The following THSD4 variants were observed in gnomAD, a reference collection of about 807,000 sequenced individuals.
The protein encoded by THSD4 is thrombospondin type 1 domain containing 4.
Under a neutral mutation model 119.0 loss-of-function variants are expected in THSD4, and 69 were observed. That is an observed-to-expected ratio of 0.58 (90% CI 0.48 to 0.71). The LOEUF is 0.71. Ranked by LOEUF, THSD4 falls within the 30% of genes least tolerant of loss-of-function variation. The pLI, the probability that THSD4 is intolerant of heterozygous loss-of-function variation, is 0.00. For missense variants in THSD4, 1,393 were observed against 1,391.1 expected, an observed-to-expected ratio of 1.00 and a Z score of -0.02; for synonymous variants, 524 against 540.4, an observed-to-expected ratio of 0.97 and a Z score of 0.42.
At chr15:71,727,622 A>AC (rs2052885551) in intron 8 of THSD4, among the ~76,000 whole-genome samples, 22 of 126,124 alleles carry the variant, frequency 1.7e-4, no homozygotes, top group African/African-American at 6.1e-4. Flanking sequence ...ACACACACAC[A>AC]AGCCAGGCAT....
chr15:71,676,427 A>G (rs1283580173), intron 8 of THSD4, among the ~76,000 whole-genome samples: 2 of 152,100 alleles, frequency 1.3e-5, no homozygotes, highest in Non-Finnish European at 2.9e-5. Flanking sequence ...GACTACAGGC[A>G]TGCACCACCA....
intron 8 of THSD4, among the ~76,000 whole-genome samples, chr15:71,715,225 G>A (rs1454748229): frequency 2.0e-5 from 3 of 152,160 alleles, no homozygotes; most frequent in Non-Finnish European, 4.4e-5. Context: ...TATTAAATTA[G>A]CATCTATGTA....
At chr15:71,109,953 G>A (rs1212732521) in intron 1 of THSD4, among the ~76,000 whole-genome samples, 2 of 152,206 alleles carry the variant, frequency 1.3e-5, no homozygotes, top group Admixed American at 6.5e-5. Flanking sequence ...CATTGGATAT[G>A]CCCTATCTCT....
intron 7 of THSD4, among the ~76,000 whole-genome samples, chr15:71,436,477 CAA>C (rs1464890260): frequency 6.6e-6 from 1 of 152,152 alleles, no homozygotes; most frequent in African/African-American, 2.4e-5. Context: ...CCAGATTTCA[CAA>C]AGAGTGACCA....
intron 7 of THSD4, among the ~76,000 whole-genome samples, chr15:71,471,423 C>T (rs1167638678): frequency 6.6e-6 from 1 of 151,948 alleles, no homozygotes; most frequent in Non-Finnish European, 1.5e-5. Context: ...TCTCCCACAC[C>T]CCTCTTACTC....
intron 7 of THSD4, among the ~76,000 whole-genome samples, chr15:71,467,093 G>A (rs2047511355): frequency 6.6e-6 from 1 of 152,184 alleles, no homozygotes; most frequent in Non-Finnish European, 1.5e-5. Flanking sequence ...TCCAGAGCTT[G>A]CTTTTTCTGC....
intron 7 of THSD4, among the ~76,000 whole-genome samples, chr15:71,463,063 G>T (rs188530242): frequency 6.6e-6 from 1 of 152,254 alleles, no homozygotes. Context: ...GGGAATTGTT[G>T]TCAGTTGAGG....
chr15:71,739,045 G>T (rs1043616546), intron 11 of THSD4, among the ~76,000 whole-genome samples: 7 of 151,340 alleles, frequency 4.6e-5, no homozygotes, highest in African/African-American at 1.7e-4. Flanking sequence ...TCAGGGTTGT[G>T]GAAGACTTAC....
chr15:71,706,385 G>A (rs2052392715), intron 8 of THSD4, among the ~76,000 whole-genome samples: 1 of 152,184 alleles, frequency 6.6e-6, no homozygotes, highest in South Asian at 2.1e-4. Context: ...TTTGGTTTGG[G>A]ACATGTTGAA....
intron 7 of THSD4, among the ~76,000 whole-genome samples, chr15:71,486,419 G>A (rs2047818081): frequency 6.6e-6 from 1 of 152,142 alleles, no homozygotes; most frequent in Admixed American, 6.6e-5. Context: ...TGAATTAAAT[G>A]AGAAAGTTAC....
chr15:71,113,635 C>T (rs747169617), upstream of THSD4: 6 of 152,144 alleles, frequency 3.9e-5, no homozygotes, highest in Admixed American at 2.0e-4. Context: ...ATTTACCTAC[C>T]ACCTACTGGT....
intron 6 of THSD4, among the ~76,000 whole-genome samples, chr15:71,403,068 C>T (rs1380308907): frequency 6.6e-6 from 1 of 152,164 alleles, no homozygotes; most frequent in Admixed American, 6.5e-5. Context: ...TCTCCTGGAA[C>T]TCTCTGACCT....
intron 7 of THSD4, among the ~76,000 whole-genome samples, chr15:71,515,755 G>C (rs2048352657): frequency 6.6e-6 from 1 of 152,160 alleles, no homozygotes; most frequent in South Asian, 2.1e-4. Flanking sequence ...ATTGTGTCTT[G>C]GCTCCTGGAT....
intron 3 of THSD4, among the ~76,000 whole-genome samples, chr15:71,160,772 A>AT (rs540846762): frequency 0.026 from 3,729 of 142,740 alleles, 69 homozygotes; most frequent in South Asian, 0.061. Context: ...TGATCTTAAA[A>AT]TTTTTTTTTT....
intron 2 of THSD4, among the ~76,000 whole-genome samples, chr15:71,143,933 G>A (rs1404485480): frequency 2.6e-5 from 4 of 151,878 alleles, no homozygotes; most frequent in Non-Finnish European, 2.9e-5. Context: ...CTCCCTTTGC[G>A]GGAGGCCTGG....
intron 6 of THSD4, among the ~76,000 whole-genome samples, chr15:71,383,075 T>A (rs1468068533): frequency 2.0e-5 from 3 of 152,222 alleles, no homozygotes; most frequent in African/African-American, 7.2e-5. Flanking sequence ...TTTTTTAAAT[T>A]AACCTGTTAG....
intron 7 of THSD4, among the ~76,000 whole-genome samples, chr15:71,618,247 A>AC (rs1195378503): frequency 6.6e-6 from 1 of 152,234 alleles, no homozygotes; most frequent in African/African-American, 2.4e-5. Context: ...AAAGTTAAAG[A>AC]CAGAGGCACT....
chr15:71,500,502 T>C (rs1343844664), intron 7 of THSD4, among the ~76,000 whole-genome samples: 1 of 152,240 alleles, frequency 6.6e-6, no homozygotes, highest in East Asian at 1.9e-4. Flanking sequence ...TTGTCTATTT[T>C]TGTTTTTATT....
Position 71,565,918 on chromosome 15 carries a change from GT to G in THSD4, c.1153-94611del, listed in dbSNP as rs1008908270. 9.8e-5 allele frequency among the ~76,000 whole-genome samples: 15 copies of G among 152,298 alleles called. No homozygotes were observed. The South Asian group carries it at 2.1e-3, about 21-fold the overall frequency. On this transcript the variant is annotated intron_variant, in intron 7 of 17. Transcript: ENST00000261862. ...CAAAGTATGATGATGGCAGACAGAA[GT>G]AAGTCTCTATGACCTCATGAAGGAC...
Sources: allele counts gnomAD v4.1 joint callset (sites outside exome capture counted in the v4.1 genomes callset), GRCh38; gene constraint gnomAD v4.1.1; transcripts MANE v1.5; gene names NCBI Gene and HGNC (gene_info 2026-07-23, HGNC 2026-07-21).